Variants in DNAH14 observed in about 807,000 individuals in gnomAD.
DNAH14 encodes axonemal beta dynein heavy chain 14.
A neutral mutation model predicts 520.9 loss-of-function variants in DNAH14; 478 were observed. That is an observed-to-expected ratio of 0.92 (90% confidence interval 0.85 to 0.99). The LOEUF (loss-of-function observed/expected upper bound fraction) is 0.99. Among genes scored for constraint, DNAH14 ranks in the 50% least tolerant of loss-of-function variants. The pLI is 0.00. For missense variants in DNAH14, 4,831 were observed against 5,234.5 expected (o/e 0.92, Z 2.38); for synonymous variants, 1,581 against 1,757.2 (o/e 0.90, Z 2.51).
At chr1:224,987,059 C>T (rs7539102) in intron 8 of DNAH14, among the ~76,000 whole-genome samples, 2 of 151,874 alleles carry the variant, frequency 1.3e-5, no homozygotes, top group Non-Finnish European at 2.9e-5. Flanking sequence ...AAAAGAAATC[C>T]AGAAAGTAGT....
intron 43 of DNAH14, among the ~76,000 whole-genome samples, chr1:225,246,834 A>T (rs2092312515): frequency 6.6e-6 from 1 of 152,196 alleles, no homozygotes; most frequent in Non-Finnish European, 1.5e-5. Flanking sequence ...TTCCTCAAGG[A>T]TCTAGAACCA....
intron 71 of DNAH14, 118 bp downstream of exon 71, chr1:225,346,772 C>A: frequency 1.5e-6 from 1 of 657,732 alleles, no homozygotes; most frequent in Non-Finnish European, 2.5e-6. Context: ...AGCTTGAGGT[C>A]AAGCACCTCC....
intron 8 of DNAH14, among the ~76,000 whole-genome samples, chr1:224,976,003 C>A (rs2125660484): frequency 6.6e-6 from 1 of 151,774 alleles, no homozygotes; most frequent in East Asian, 1.9e-4. Context: ...CATTCAGGAG[C>A]AGGTTGTTCA....
chr1:225,382,546 A>AAAT (rs532795261), intron 81 of DNAH14, among the ~76,000 whole-genome samples: 330 of 151,978 alleles, frequency 2.2e-3, no homozygotes, highest in Middle Eastern at 0.01. Flanking sequence ...TCTCTACTAA[A>AAAT]AATAATAATA....
intron 10 of DNAH14, among the ~76,000 whole-genome samples, chr1:225,007,944 C>G (rs1188854283): frequency 2.1e-5 from 3 of 143,704 alleles, no homozygotes; most frequent in Non-Finnish European, 4.5e-5. Context: ...TTTTTTTATA[C>G]TTTAAGTTCT....
At chr1:225,087,682 A>T (rs1488820568) in intron 21 of DNAH14, among the ~76,000 whole-genome samples, 2 of 152,184 alleles carry the variant, frequency 1.3e-5, no homozygotes, top group African/African-American at 4.8e-5. Flanking sequence ...ATATGAGGAG[A>T]TGATGTTGAA....
At chr1:225,250,890 A>G (rs1345295323) in intron 43 of DNAH14, among the ~76,000 whole-genome samples, 4 of 152,152 alleles carry the variant, frequency 2.6e-5, no homozygotes, top group Non-Finnish European at 5.9e-5. Flanking sequence ...TGAGAGCTCC[A>G]TAAGGGAGAT....
chr1:225,227,344 C>T, intron 41 of DNAH14, among the ~76,000 whole-genome samples: 1 of 152,118 alleles, frequency 6.6e-6, no homozygotes, highest in Non-Finnish European at 1.5e-5. Flanking sequence ...ATGGCGATGA[C>T]TTTTACCAAG....
At chr1:225,041,821 ATAAGC>A (rs2148214959) in intron 12 of DNAH14, among the ~76,000 whole-genome samples, 1 of 152,346 alleles carries the variant, frequency 6.6e-6, no homozygotes, top group African/African-American at 2.4e-5. Context: ...ATTTTCGAGA[ATAAGC>A]TAAGCAGCAC....
At chr1:225,261,355 C>G (rs1350652916) in intron 46 of DNAH14, among the ~76,000 whole-genome samples, 1 of 152,076 alleles carries the variant, frequency 6.6e-6, no homozygotes, top group African/African-American at 2.4e-5. Context: ...AAAAGGTATT[C>G]AATTTTGTCA....
intron 66 of DNAH14, among the ~76,000 whole-genome samples, chr1:225,334,060 A>C (rs1574837587): frequency 6.6e-6 from 1 of 152,234 alleles, no homozygotes; most frequent in African/African-American, 2.4e-5. Flanking sequence ...CTGTCTTCAC[A>C]TTTTCATAAT....
intron 54 of DNAH14, among the ~76,000 whole-genome samples, chr1:225,281,628 A>C (rs546806201): frequency 6.6e-6 from 1 of 152,278 alleles, no homozygotes; most frequent in East Asian, 1.9e-4. Flanking sequence ...CTACTTTAAA[A>C]GATAATCAGA....
chr1:225,094,497 A>C (rs1170519818), intron 21 of DNAH14, among the ~76,000 whole-genome samples: 1 of 152,062 alleles, frequency 6.6e-6, no homozygotes, highest in African/African-American at 2.4e-5. Flanking sequence ...TAAAGACTTA[A>C]CTGTAAAACC....
At position 225,072,686 on chromosome 1, in the gene DNAH14, C is replaced by A. The variant is rs116108060; in HGVS notation, c.2425-6521C>A. ...TCATCTTTGTGTGCTTATCTACATTCAGTTTTTGAGGTTGCTGACCTTTAG... is the reference window on the plus strand; with the variant it reads ...TCATCTTTGTGTGCTTATCTACATTAAGTTTTTGAGGTTGCTGACCTTTAG... On this transcript the variant is annotated intron_variant, in intron 17 of 85. Coordinates refer to ENST00000682510, the MANE Select transcript of DNAH14 (RefSeq NM_001367479.1). 1.5e-3 allele frequency among the ~76,000 whole-genome samples: 226 copies of A among 152,340 alleles called. 1 individual carries two copies. The highest frequency in any genetic ancestry group is 5.1e-3 in the African/African-American group (213 of 41,578).
chr1:225,200,987 A>G (rs574983556), intron 38 of DNAH14, among the ~76,000 whole-genome samples: 1 of 151,972 alleles, frequency 6.6e-6, no homozygotes, highest in African/African-American at 2.4e-5. Flanking sequence ...CCTTAAGAAC[A>G]CCAATTATTC....
intron 56 of DNAH14, among the ~76,000 whole-genome samples, chr1:225,302,102 T>C (rs547494845): frequency 2.6e-4 from 39 of 148,292 alleles, no homozygotes; most frequent in African/African-American, 9.0e-4. Context: ...ATATTATATA[T>C]GTTTTATATA....
At chr1:225,178,121 A>G (rs2083529750) in intron 36 of DNAH14, among the ~76,000 whole-genome samples, 1 of 152,194 alleles carries the variant, frequency 6.6e-6, no homozygotes, top group East Asian at 1.9e-4. Flanking sequence ...TTGGAGCTTT[A>G]AGATTTGACT....
At chr1:224,989,910 T>C (rs1219992587) in intron 8 of DNAH14, among the ~76,000 whole-genome samples, 1 of 152,134 alleles carries the variant, frequency 6.6e-6, no homozygotes, top group Non-Finnish European at 1.5e-5. Context: ...CTGGAATAAA[T>C]CCCTATTGGT....
intron 36 of DNAH14, among the ~76,000 whole-genome samples, chr1:225,177,470 C>T (rs1160751208): frequency 2.0e-5 from 3 of 152,138 alleles, no homozygotes; most frequent in Admixed American, 6.5e-5. Context: ...ATCCCCAAGA[C>T]ACTGGGGAAA....
Sources: allele counts gnomAD v4.1 joint callset (sites outside exome capture counted in the v4.1 genomes callset), GRCh38; gene constraint gnomAD v4.1.1; transcripts MANE v1.5; gene names NCBI Gene and HGNC (gene_info 2026-07-23, HGNC 2026-07-21).